Variants in RPH3A observed in about 807,000 individuals in gnomAD.
RPH3A encodes the protein rabphilin-3A.
RPH3A carries 48 observed loss-of-function variants against 102.2 expected under a neutral mutation model. The ratio of observed to expected loss-of-function variants is 0.47; its 90% CI spans 0.37 to 0.60. The LOEUF is 0.60. Among genes scored for constraint, RPH3A ranks in the 20% least tolerant of loss-of-function variants. The pLI is 0.00. For synonymous variants in RPH3A, 310 were observed against 324.3 expected, an observed-to-expected ratio of 0.96 and a Z score of 0.47; for missense variants, 781 against 910.1, an observed-to-expected ratio of 0.86 and a Z score of 1.83.
chr12:112,831,546 T>C (rs2041970832), intron 3 of RPH3A, among the ~76,000 whole-genome samples: 1 of 152,072 alleles, frequency 6.6e-6, no homozygotes, highest in Non-Finnish European at 1.5e-5. Flanking sequence ...GACATTATTA[T>C]TTTATACTGG....
intron 1 of RPH3A, among the ~76,000 whole-genome samples, chr12:112,654,545 G>A (rs2039997318): frequency 6.6e-6 from 1 of 152,008 alleles, no homozygotes; most frequent in African/African-American, 2.4e-5. Flanking sequence ...GAGCTTTGTC[G>A]ATTTTTGCAA....
chr12:112,849,661 C>T (rs935877588), intron 5 of RPH3A, among the ~76,000 whole-genome samples: 10 of 152,052 alleles, frequency 6.6e-5, no homozygotes, highest in African/African-American at 1.9e-4. Flanking sequence ...GTATTTTTGC[C>T]GGTTTTGTTC....
At chr12:112,675,201 T>C (rs976707795) in intron 1 of RPH3A, among the ~76,000 whole-genome samples, 5 of 152,224 alleles carry the variant, frequency 3.3e-5, no homozygotes, top group Non-Finnish European at 5.9e-5. Flanking sequence ...TGTTGTTTTG[T>C]ATTTCTCTGA....
intron 1 of RPH3A, among the ~76,000 whole-genome samples, chr12:112,626,953 G>GC (rs1157133576): frequency 2.4e-5 from 2 of 83,824 alleles, no homozygotes; most frequent in African/African-American, 4.8e-5. Flanking sequence ...GTAAACTATC[G>GC]CAAGAACAAA....
chr12:112,836,411 C>A, intron 3 of RPH3A, 80 bp from the exon 4 acceptor site: 1 of 781,590 alleles, frequency 1.3e-6, no homozygotes, highest in South Asian at 2.0e-5. Context: ...GTGTTGCATC[C>A]AGACAGTGTA....
intron 1 of RPH3A, among the ~76,000 whole-genome samples, chr12:112,687,936 C>T (rs1202365376): frequency 6.6e-6 from 1 of 152,174 alleles, no homozygotes; most frequent in Non-Finnish European, 1.5e-5. Context: ...TTTATATAAA[C>T]ATTCCAGCTT....
intron 1 of RPH3A, among the ~76,000 whole-genome samples, chr12:112,577,301 G>A (rs1341926133): frequency 2.6e-5 from 4 of 152,222 alleles, no homozygotes; most frequent in Non-Finnish European, 5.9e-5. Flanking sequence ...TTCTATGAAA[G>A]GGGTAGGCAG....
chr12:112,833,563 C>CTTTGAGGGTG, intron 3 of RPH3A, among the ~76,000 whole-genome samples: 2 of 152,212 alleles, frequency 1.3e-5, no homozygotes, highest in South Asian at 2.1e-4. Flanking sequence ...ACTTTAGCCC[C>CTTTGAGGGTG]CTGGAATGTA....
At chr12:112,804,913 C>T (rs1005538322) in intron 2 of RPH3A, among the ~76,000 whole-genome samples, 6 of 152,074 alleles carry the variant, frequency 3.9e-5, no homozygotes, top group African/African-American at 4.8e-5. Context: ...TCTTTACTTA[C>T]GCTGGTGGTT....
At chr12:112,584,147 G>A (rs1375331913) in intron 1 of RPH3A, among the ~76,000 whole-genome samples, 2 of 152,148 alleles carry the variant, frequency 1.3e-5, no homozygotes, top group African/African-American at 2.4e-5. Context: ...GAAGTCTGCA[G>A]TATCACAAAA....
At chr12:112,794,458 AG>A (rs2041187760) in intron 2 of RPH3A, among the ~76,000 whole-genome samples, 1 of 152,126 alleles carries the variant, frequency 6.6e-6, no homozygotes, top group Non-Finnish European at 1.5e-5. Context: ...GAACTTTGCT[AG>A]GTTTCTAGAA....
At chr12:112,660,062 A>C (rs1024817266) in intron 1 of RPH3A, among the ~76,000 whole-genome samples, 1 of 152,222 alleles carries the variant, frequency 6.6e-6, no homozygotes, top group African/African-American at 2.4e-5. Context: ...AGTAGGGAAG[A>C]TATGGATATG....
At chr12:112,804,944 G>T (rs1230225695) in intron 2 of RPH3A, among the ~76,000 whole-genome samples, 1 of 152,128 alleles carries the variant, frequency 6.6e-6, no homozygotes, top group East Asian at 1.9e-4. Flanking sequence ...GATCTCGCCT[G>T]TGACAAAGTT....
At chr12:112,678,370 G>GGAAA (rs962917816) in intron 1 of RPH3A, among the ~76,000 whole-genome samples, 10 of 147,534 alleles carry the variant, frequency 6.8e-5, no homozygotes, top group Admixed American at 2.7e-4. Context: ...AGGAAGGAAG[G>GGAAA]GAAAGAAAGA....
At chr12:112,695,054 T>G (rs2040339919) in intron 1 of RPH3A, 2 of 170,422 alleles carry the variant, frequency 1.2e-5, no homozygotes. Context: ...CTAGTTACAT[T>G]TGAATTTCAG....
intron 1 of RPH3A, among the ~76,000 whole-genome samples, chr12:112,650,327 C>G (rs2039964647): frequency 6.6e-6 from 1 of 152,218 alleles, no homozygotes; most frequent in African/African-American, 2.4e-5. Context: ...TGAGTCCAGG[C>G]CTCCCTGATG....
At chr12:112,714,025 T>C (rs2136038224) in intron 1 of RPH3A, among the ~76,000 whole-genome samples, 2 of 152,258 alleles carry the variant, frequency 1.3e-5, no homozygotes, top group Middle Eastern at 6.8e-3. Flanking sequence ...GGGTACCCCC[T>C]CATGGGATAA....
In RPH3A at chr12:112,657,696, T is replaced by A. The variant is rs1219347884; in HGVS notation, c.-140+82377T>A. 1.3e-5 allele frequency among the ~76,000 whole-genome samples: 2 copies of A among 152,144 alleles called. 1 individual carries two copies. Among genetic ancestry groups the A allele is most frequent in the East Asian group, 3.8e-4 (2 of 5,200 alleles). On this transcript the variant is annotated intron_variant, in intron 1 of 21. Transcript: ENST00000543106. ...CATTATGTGGTATGTGATTGTATTA[T>A]GATAATTATGAACAGTCCAAAAAAC... is the stretch of plus-strand genomic sequence containing the variant.
Position 112,875,707 on chromosome 12 carries a change from T to C in RPH3A, c.912T>C (p.Pro304=). The change falls in exon 12 of 22, where the codon CCT becomes CCC. Residue 304 remains proline (P), a synonymous_variant. Transcript: ENST00000389385. ...CCCCAGGAGGAAGCAGACCGGGTCC[T>C]GGGCCAGCAGGACGCTTTCCAGATC... ...PGTPGGSRPG[P]GPAGRFPDQK... The C allele has an allele frequency of 6.2e-7, 1 of 1,613,928 alleles. No homozygotes were observed. Among genetic ancestry groups the C allele is most frequent in the Non-Finnish European group, 8.5e-7 (1 of 1,179,966 alleles).
Sources: gnomAD v4.1 joint callset for allele counts (sites outside exome capture counted in the v4.1 genomes callset) on GRCh38, gnomAD v4.1.1 for gene constraint, MANE v1.5 for transcripts, NCBI Gene and HGNC (gene_info 2026-07-23, HGNC 2026-07-21) for gene names.